The following SPTAN1 variants were observed in gnomAD, a reference collection of about 807,000 sequenced individuals.
The protein encoded by SPTAN1 is spectrin alpha, non-erythrocytic 1.
SPTAN1 carries 61 observed loss-of-function variants against 331.3 expected under a neutral mutation model. The ratio of observed to expected loss-of-function variants is 0.18; its 90% CI spans 0.15 to 0.23. The LOEUF is 0.23. Ranked by LOEUF, SPTAN1 falls within the 10% of genes least tolerant of loss-of-function variation. The pLI is 1.00. For synonymous variants in SPTAN1, 1,153 were observed against 1,173.9 expected (o/e 0.98, Z 0.36); for missense variants, 2,043 against 3,147.9 (o/e 0.65, Z 8.40).
In SPTAN1 at chr9:128,565,059, C is replaced by G. The variant is rs1416990553; in HGVS notation, c.-3-1679C>G. Among the ~76,000 whole-genome samples the G allele has an allele frequency of 2.0e-5, 3 of 152,160 alleles. No homozygotes were observed. The East Asian group carries it at 5.8e-4, about 29-fold the overall frequency. ...GTGGCTCACACCTGTAATTCCAGCC[C>G]TTTGGGAGGCTGAGGCAGGCAGATC... On this transcript the variant is annotated intron_variant, in intron 1 of 56. Transcript: ENST00000372739.
At position 128,587,696 on chromosome 9, in the gene SPTAN1, C is replaced by G; in HGVS notation, c.2869C>G (p.Arg957Gly). Residue 957 changes from arginine to glycine, a missense_variant and splice_region_variant, in exon 20 of 57, where the codon CGG becomes GGG. This residue lies in a region of SPTAN1 where 1,038 missense variants were observed against 1,531.5 expected (regional missense o/e 0.68). Coordinates refer to ENST00000372739, the MANE Select transcript of SPTAN1 (RefSeq NM_001130438.3). ...QALREQAQSC[R>G]QQVAPTDDET... ...TTTGCGAGAACAAGCACAGTCCTGC[C>G]GGGTAAACTTGTAACAGTTTATGGG... 4 of 1,613,874 alleles carry G rather than the reference C, an allele frequency of 2.5e-6. No homozygotes were observed. The highest frequency in any genetic ancestry group is 3.4e-6 in the Non-Finnish European group (4 of 1,179,866).
intron 3 of SPTAN1, among the ~76,000 whole-genome samples, chr9:128,573,846 C>G (rs7043563): frequency 0.75 from 114,101 of 151,906 alleles, 45,534 homozygotes; most frequent in Non-Finnish European, 0.9. Flanking sequence ...CTCCAACTCC[C>G]TGGGGTCAAG....
chr9:128,561,088 G>A (rs1310361331), intron 1 of SPTAN1, among the ~76,000 whole-genome samples: 7 of 150,630 alleles, frequency 4.6e-5, no homozygotes, highest in South Asian at 4.2e-4. Context: ...ATAATATGTC[G>A]GCCAGGCACG....
intron 1 of SPTAN1, chr9:128,555,428 T>C: frequency 7.8e-7 from 1 of 1,289,304 alleles, no homozygotes. Context: ...GAAAACGGGT[T>C]GCCTTTTTGG....
At chr9:128,622,607 G>A (rs188511918) in intron 45 of SPTAN1, among the ~76,000 whole-genome samples, 12 of 151,552 alleles carry the variant, frequency 7.9e-5, no homozygotes, top group Admixed American at 5.2e-4. Context: ...CCAGCGAGCC[G>A]GCTGCTTTGT....
In SPTAN1 at chr9:128,630,249, G is replaced by C. The variant is rs1027673011; in HGVS notation, c.6708-72G>C. On this transcript the variant is annotated intron_variant, in intron 51 of 56. Transcript: ENST00000372739. ...GAGGTTGCCAGGCATTGCTCTCTCT[G>C]AGAGAAGGTTCATTCTGAGCTCTCG... is the stretch of plus-strand genomic sequence containing the variant. 111 of 1,546,760 alleles carry C rather than the reference G, an allele frequency of 7.2e-5. 1 individual carries two copies. In the Admixed American group the frequency reaches 8.0e-4, roughly 11 times the overall value.
At chr9:128,616,519 T>C (rs1243099726) in intron 41 of SPTAN1, among the ~76,000 whole-genome samples, 1 of 151,112 alleles carries the variant, frequency 6.6e-6, no homozygotes, top group Non-Finnish European at 1.5e-5. Context: ...GTGATCACAG[T>C]ACTTTGGGAG....
intron 18 of SPTAN1, 25 bp downstream of exon 18, chr9:128,584,868 G>A: frequency 6.2e-7 from 1 of 1,614,150 alleles, no homozygotes; most frequent in Non-Finnish European, 8.5e-7. Context: ...TCAGTGACAT[G>A]GCTTGGTGCT....
At chr9:128,614,672 G>A (rs376385475) in intron 40 of SPTAN1, among the ~76,000 whole-genome samples, 2 of 152,190 alleles carry the variant, frequency 1.3e-5, no homozygotes, top group South Asian at 2.1e-4. Flanking sequence ...CTTGGAGGCC[G>A]AGGCGGGAGG....
chr9:128,592,950 C>T (rs1371782020), intron 22 of SPTAN1, 33 bp from the exon 23 acceptor site: 12 of 1,587,660 alleles, frequency 7.6e-6, no homozygotes, highest in Non-Finnish European at 1.0e-5. Context: ...CCCACTAATT[C>T]GTGCATGCTT....
At position 128,585,745 on chromosome 9, in the gene SPTAN1, C is replaced by T. The variant is rs1852523864; in HGVS notation, c.2561-3C>T. The T allele has an allele frequency of 1.2e-6, 2 of 1,613,646 alleles. No homozygotes were observed. Among genetic ancestry groups the T allele is most frequent in the Non-Finnish European group, 1.7e-6 (2 of 1,179,776 alleles). On this transcript the variant is annotated splice_polypyrimidine_tract_variant and splice_region_variant and intron_variant, in intron 18 of 56. Coordinates refer to ENST00000372739, the MANE Select transcript of SPTAN1 (RefSeq NM_001130438.3). ...TTATCCTCTTTCCCTACCCATCTTC[C>T]AGGCCATTTTGCTGCAGAGGATGTG... is the stretch of plus-strand genomic sequence containing the variant.
chr9:128,570,886 C>G (rs1244644666), intron 3 of SPTAN1, among the ~76,000 whole-genome samples: 2 of 151,964 alleles, frequency 1.3e-5, no homozygotes, highest in African/African-American at 4.8e-5. Flanking sequence ...GTCTCAAACT[C>G]CCAACCTCAG....
chr9:128,581,753 A>C (rs761805865), intron 11 of SPTAN1, 29 bp from the exon 12 acceptor site: 3 of 1,555,708 alleles, frequency 1.9e-6, no homozygotes, highest in Non-Finnish European at 2.7e-6. Context: ...ATAGGACATT[A>C]TTCTGAACAC....
At chr9:128,626,294 C>T in intron 48 of SPTAN1, 97 bp from the exon 49 acceptor site, 2 of 1,456,226 alleles carry the variant, frequency 1.4e-6, no homozygotes, top group South Asian at 2.3e-5. Context: ...CTGTGTGCGC[C>T]TCTGATTCCC....
At chr9:128,581,961 G>T in intron 12 of SPTAN1, 69 bp downstream of exon 12, 3 of 1,168,496 alleles carry the variant, frequency 2.6e-6, no homozygotes, top group South Asian at 2.4e-5. Context: ...TCCCTGGAAG[G>T]ATTCCAAACA....
chr9:128,574,608 C>CTCT, intron 3 of SPTAN1, 67 bp from the exon 4 acceptor site: 2 of 1,596,482 alleles, frequency 1.3e-6, no homozygotes, highest in South Asian at 2.2e-5. Flanking sequence ...TGTCTAAACT[C>CTCT]TATGGAAGAG....
chr9:128,574,825 G>C lies in SPTAN1; in HGVS notation c.504+10G>C, dbSNP rs749280573. On this transcript the variant is annotated intron_variant, in intron 4 of 56. Coordinates refer to ENST00000372739, the MANE Select transcript of SPTAN1 (RefSeq NM_001130438.3). Reference sequence around the variant, plus strand: ...CTGGATCAATGACAAGGCACGTTTTGGGAAGAAGGGTTTGCTAAGCTTTAC... The same window carrying C: ...CTGGATCAATGACAAGGCACGTTTTCGGAAGAAGGGTTTGCTAAGCTTTAC... The C allele has an allele frequency of 1.9e-6, 3 of 1,613,914 alleles. No individual in the cohort carries two copies. Among genetic ancestry groups the C allele is most frequent in the Non-Finnish European group, 2.5e-6 (3 of 1,179,862 alleles).
chr9:128,616,221 A>T (rs1564294165), intron 41 of SPTAN1, among the ~76,000 whole-genome samples: 5 of 150,744 alleles, frequency 3.3e-5, no homozygotes, highest in African/African-American at 9.7e-5. Flanking sequence ...GTAAACAAAC[A>T]TTTTTTTTTC....
chr9:128,603,848 G>A (rs1225709304), intron 28 of SPTAN1, among the ~76,000 whole-genome samples: 2 of 152,254 alleles, frequency 1.3e-5, no homozygotes, highest in Non-Finnish European at 2.9e-5. Flanking sequence ...GCAGGGAGCT[G>A]GAAGGAGCAC....
Sources: allele counts gnomAD v4.1 joint callset (sites outside exome capture counted in the v4.1 genomes callset), GRCh38; gene constraint gnomAD v4.1.1; regional missense constraint gnomAD v4.1.1; transcripts MANE v1.5; gene names NCBI Gene and HGNC (gene_info 2026-07-23, HGNC 2026-07-21).